The following TLE1 variants were observed in gnomAD, a reference collection of about 807,000 sequenced individuals.
TLE1 encodes the protein TLE family member 1, transcriptional corepressor, also known as transducin-like enhancer protein 1.
In TLE1, 21 loss-of-function variants were observed where a neutral mutation model predicts 89.8. The ratio of observed to expected loss-of-function variants is 0.23; its 90% CI spans 0.17 to 0.34. The LOEUF (loss-of-function observed/expected upper bound fraction) is 0.34, where lower values mean the gene tolerates loss of function less well. Among genes scored for constraint, TLE1 ranks in the 10% least tolerant of loss-of-function variants. The probability of loss-of-function intolerance (pLI) is 1.00; values close to 1 mark genes in which losing one functional copy is unlikely to be tolerated. For missense variants in TLE1, 795 were observed against 1,031.2 expected (o/e 0.77, Z 3.14); for synonymous variants, 447 against 407.6 (o/e 1.10, Z -1.16).
chr9:81,681,212 T>C (rs1833582200), intron 4 of TLE1, among the ~76,000 whole-genome samples: 1 of 152,178 alleles, frequency 6.6e-6, no homozygotes, highest in Non-Finnish European at 1.5e-5. Context: ...TATATCATCC[T>C]TCCTTTCAGA....
chr9:81,614,657 T>A (rs909661896), intron 11 of TLE1, among the ~76,000 whole-genome samples: 3 of 152,148 alleles, frequency 2.0e-5, no homozygotes, highest in African/African-American at 7.2e-5. Context: ...AGGTAAGGAT[T>A]AACTGAAGGG....
At position 81,688,284 on chromosome 9, in the gene TLE1, C is replaced by A. The variant is rs758558917; in HGVS notation, c.-44G>T. The stretch of plus-strand genomic sequence containing the variant: ...GGCTCTGTTCCCCGGCAACTCAATT[C>A]TCCGGTCAATTTCCAACTTTAATCC... On this transcript the variant is annotated 5_prime_UTR_variant, in exon 1 of 20. Coordinates refer to ENST00000376499, the MANE Select transcript of TLE1 (RefSeq NM_005077.5). 2.0e-6 allele frequency: 3 copies of A among 1,531,166 alleles called. No homozygotes were observed. Among genetic ancestry groups the A allele is most frequent in the Non-Finnish European group, 1.7e-6 (2 of 1,144,284 alleles). The allele number at this position is 1,531,166 out of a possible 1,614,324, so 94.8% of individuals were successfully genotyped here.
intron 4 of TLE1, among the ~76,000 whole-genome samples, chr9:81,657,420 A>T (rs1830270947): frequency 6.6e-6 from 1 of 152,142 alleles, no homozygotes; most frequent in African/African-American, 2.4e-5. Flanking sequence ...TGCACTTTTT[A>T]TGCTTAACTA....
rs1025577520 is a variant in TLE1, at chr9:81,603,805, C to T, written c.1331+6415G>A. 5.3e-5 allele frequency among the ~76,000 whole-genome samples: 8 copies of T among 152,132 alleles called. No individual in the cohort carries two copies. In the East Asian group the frequency reaches 1.5e-3, roughly 29 times the overall value. The stretch of plus-strand genomic sequence containing the variant: ...TCACCTGAGGTTATGAATTCAAGAC[C>T]AGCCTGGCCAACATGGTGAAACCCT... On this transcript the variant is annotated intron_variant, in intron 14 of 19. Coordinates refer to ENST00000376499, the MANE Select transcript of TLE1 (RefSeq NM_005077.5).
intron 14 of TLE1, among the ~76,000 whole-genome samples, chr9:81,604,373 G>A (rs1831361423): frequency 6.6e-6 from 1 of 152,150 alleles, no homozygotes; most frequent in South Asian, 2.1e-4. Flanking sequence ...ACAAGAGAGG[G>A]CTGAAGCGAC....
At chr9:81,688,068 A>C in intron 1 of TLE1, 149 bp downstream of exon 1, 1 of 951,864 alleles carries the variant, frequency 1.1e-6, no homozygotes, top group South Asian at 1.5e-5. Flanking sequence ...TCCCCACCCC[A>C]GGAAGAGAGG....
At chr9:81,651,156 A>G (rs543786343) in intron 6 of TLE1, among the ~76,000 whole-genome samples, 1 of 152,360 alleles carries the variant, frequency 6.6e-6, no homozygotes, top group East Asian at 1.9e-4. Flanking sequence ...GTCTGAGGGA[A>G]CTATAAAGAC....
chr9:81,653,611 C>T (rs1383166276), intron 5 of TLE1, among the ~76,000 whole-genome samples: 1 of 152,146 alleles, frequency 6.6e-6, no homozygotes, highest in Non-Finnish European at 1.5e-5. Flanking sequence ...GTAAAGTCTA[C>T]CTTGATGGAA....
intron 14 of TLE1, among the ~76,000 whole-genome samples, chr9:81,606,787 CCAT>C (rs1563958562): frequency 6.6e-6 from 1 of 151,034 alleles, no homozygotes. Context: ...AAAAAAAAAA[CCAT>C]ATATATATAT....
chr9:81,647,038 T>C (rs1488836138), intron 6 of TLE1, among the ~76,000 whole-genome samples: 1 of 152,110 alleles, frequency 6.6e-6, no homozygotes, highest in African/African-American at 2.4e-5. Flanking sequence ...TCATGGTTTT[T>C]TTTTTCTCTT....
chr9:81,610,339 C>A (rs775201493), intron 13 of TLE1, 43 bp from the exon 14 acceptor site: 33 of 1,499,484 alleles, frequency 2.2e-5, no homozygotes, highest in South Asian at 2.2e-4. Context: ...TTTATTGCAG[C>A]AGGCACTTTG....
chr9:81,633,293 GTGTGTGTGTGT>G lies in TLE1; in HGVS notation c.594+44_594+54del. The G allele has an allele frequency of 9.5e-5, 24 of 252,806 alleles. No homozygotes were observed. The South Asian group carries it at 1.8e-3, about 19-fold the overall frequency. 15.7% of individuals were successfully genotyped at this position (252,806 alleles called of 1,614,324 possible). A position where few individuals can be genotyped will look rare whatever the true frequency, so the allele number is the denominator to read the frequency against. ...AAGTGTTGTCAGAAGGGGACCGTGT[GTGTGTGTGTGT>G]GTGTGTGTGTGTGTGTGTGTGCAGC... On this transcript the variant is annotated intron_variant, in intron 8 of 19. Coordinates refer to ENST00000376499, the MANE Select transcript of TLE1 (RefSeq NM_005077.5).
chr9:81,662,511 C>T (rs1481689097), intron 4 of TLE1, among the ~76,000 whole-genome samples: 3 of 151,714 alleles, frequency 2.0e-5, no homozygotes, highest in Non-Finnish European at 4.4e-5. Context: ...TCCTGGCCAA[C>T]ATGGTGAACC....
chr9:81,601,226 T>C (rs1421497727), intron 14 of TLE1, among the ~76,000 whole-genome samples: 1 of 151,942 alleles, frequency 6.6e-6, no homozygotes, highest in Non-Finnish European at 1.5e-5. Context: ...AAAAGTGGGG[T>C]GAAAGGGGGA....
intron 8 of TLE1, among the ~76,000 whole-genome samples, chr9:81,622,042 G>C (rs1825331759): frequency 6.6e-6 from 1 of 152,154 alleles, no homozygotes; most frequent in Non-Finnish European, 1.5e-5. Context: ...TAATTACCTA[G>C]ATACATGTCC....
chr9:81,682,638 C>T (rs1334252668), intron 4 of TLE1, among the ~76,000 whole-genome samples: 5 of 152,154 alleles, frequency 3.3e-5, no homozygotes, highest in East Asian at 3.9e-4. Context: ...TTAAAGATCA[C>T]GCCACCACAC....
In TLE1 at chr9:81,633,304, TG is replaced by T. The variant is rs756603542; in HGVS notation, c.594+43del. 18 of 1,421,504 alleles carry T rather than the reference TG, an allele frequency of 1.3e-5. No homozygotes were observed. The East Asian group carries it at 6.3e-4, about 50-fold the overall frequency. 88.1% of individuals were successfully genotyped at this position (1,421,504 alleles called of 1,614,324 possible). A position where few individuals can be genotyped will look rare whatever the true frequency, so the allele number is the denominator to read the frequency against. On this transcript the variant is annotated intron_variant, in intron 8 of 19. Coordinates refer to ENST00000376499, the MANE Select transcript of TLE1 (RefSeq NM_005077.5). ...GAAGGGGACCGTGTGTGTGTGTGTG[TG>T]TGTGTGTGTGTGTGTGTGTGCAGCA...
At chr9:81,632,260 A>AAG (rs1826734406) in intron 8 of TLE1, among the ~76,000 whole-genome samples, 1 of 152,130 alleles carries the variant, frequency 6.6e-6, no homozygotes, top group Admixed American at 6.6e-5. Flanking sequence ...AGAAATTTAT[A>AAG]GGACAAGAAT....
chr9:81,587,404 A>G (rs986216235), intron 17 of TLE1, among the ~76,000 whole-genome samples: 1 of 152,210 alleles, frequency 6.6e-6, no homozygotes, highest in African/African-American at 2.4e-5. Flanking sequence ...ACATTCTTCA[A>G]TGTACAAATC....
Sources: gnomAD v4.1 joint callset for allele counts (sites outside exome capture counted in the v4.1 genomes callset) on GRCh38, gnomAD v4.1.1 for gene constraint, MANE v1.5 for transcripts, NCBI Gene and HGNC (gene_info 2026-07-23, HGNC 2026-07-21) for gene names.